Variants in RAB28 observed in about 807,000 individuals in gnomAD.
The protein encoded by RAB28 is RAB28, member RAS oncogene family.
RAB28 carries 24 observed loss-of-function variants against 31.7 expected under a neutral mutation model. That is an observed-to-expected ratio of 0.76 (90% CI 0.55 to 1.06). RAB28 has a LOEUF of 1.06. RAB28 is among the 50% of genes least tolerant of loss of function. RAB28 has a pLI of 0.00. For synonymous variants in RAB28, 100 were observed against 90.4 expected, an observed-to-expected ratio of 1.11 and a Z score of -0.60; for missense variants, 254 against 258.5, an observed-to-expected ratio of 0.98 and a Z score of 0.12.
chr4:13,462,991 T>C (rs1205852267), intron 3 of RAB28, among the ~76,000 whole-genome samples: 12 of 152,172 alleles, frequency 7.9e-5, no homozygotes, highest in Admixed American at 6.5e-4. Context: ...ACCCCATCTA[T>C]TGATCTTGGG....
At chr4:13,417,311 G>A (rs1253233207) in intron 4 of RAB28, among the ~76,000 whole-genome samples, 5 of 152,218 alleles carry the variant, frequency 3.3e-5, no homozygotes, top group African/African-American at 4.8e-5. Flanking sequence ...TCTGGGAACA[G>A]GGCATAGCTG....
chr4:13,406,026 A>G (rs1252609276), intron 4 of RAB28, among the ~76,000 whole-genome samples: 1 of 152,190 alleles, frequency 6.6e-6, no homozygotes, highest in Admixed American at 6.5e-5. Flanking sequence ...TATACTTTTA[A>G]GTTTTGGGAC....
At chr4:13,456,004 C>G (rs1056095544) in intron 4 of RAB28, among the ~76,000 whole-genome samples, 8 of 152,152 alleles carry the variant, frequency 5.3e-5, no homozygotes, top group Non-Finnish European at 1.2e-4. Context: ...CCAGACACAG[C>G]AAAACAAAGA....
At chr4:13,374,479 C>T (rs1356899470) in intron 6 of RAB28, among the ~76,000 whole-genome samples, 5 of 152,138 alleles carry the variant, frequency 3.3e-5, no homozygotes, top group African/African-American at 1.2e-4. Flanking sequence ...CTGATCACCA[C>T]TGCACAGCTC....
chr4:13,420,539 C>A (rs1346911670), intron 4 of RAB28, among the ~76,000 whole-genome samples: 1 of 152,124 alleles, frequency 6.6e-6, no homozygotes, highest in Admixed American at 6.5e-5. Flanking sequence ...TCCAGCAGCA[C>A]ATCAAAAAGC....
intron 4 of RAB28, among the ~76,000 whole-genome samples, chr4:13,392,703 A>G (rs1056431225): frequency 3.3e-5 from 5 of 152,220 alleles, no homozygotes; most frequent in Non-Finnish European, 7.3e-5. Flanking sequence ...CCACAAAAAA[A>G]GATAAGTGTT....
At chr4:13,405,437 G>C (rs1056355023) in intron 4 of RAB28, among the ~76,000 whole-genome samples, 7 of 152,086 alleles carry the variant, frequency 4.6e-5, no homozygotes, top group African/African-American at 1.4e-4. Flanking sequence ...TAATATACTT[G>C]AAAACTACAG....
At chr4:13,436,717 A>G (rs1011579182) in intron 4 of RAB28, among the ~76,000 whole-genome samples, 2 of 152,202 alleles carry the variant, frequency 1.3e-5, no homozygotes, top group Non-Finnish European at 2.9e-5. Flanking sequence ...ACACAAATAA[A>G]TGGAAAAACA....
chr4:13,393,788 C>G (rs762066052), intron 4 of RAB28, among the ~76,000 whole-genome samples: 4 of 143,426 alleles, frequency 2.8e-5, no homozygotes, highest in Non-Finnish European at 6.0e-5. Flanking sequence ...AAAGTTACTA[C>G]AGTTCTGCAC....
chr4:13,370,450 T>A, intron 6 of RAB28: 1 of 780,212 alleles, frequency 1.3e-6, no homozygotes, highest in African/African-American at 1.9e-5. Context: ...TTACACAGAA[T>A]CTATTCACAA....
chr4:13,386,600 G>A lies in RAB28; in HGVS notation c.392-5006C>T, dbSNP rs565147125. On this transcript the variant is annotated intron_variant, in intron 4 of 6. Transcript: ENST00000330852. ...GAATGGAAAAACCCAAAAAATAACA[G>A]GTGCTGGCAAGATTGCAGACAAAAG... Among the ~76,000 whole-genome samples, 6 of 152,016 alleles carry A rather than the reference G, an allele frequency of 3.9e-5. No individual in the cohort carries two copies. In the South Asian group the frequency reaches 8.3e-4, roughly 21 times the overall value.
intron 2 of RAB28, among the ~76,000 whole-genome samples, chr4:13,475,370 C>T (rs1716306532): frequency 6.6e-6 from 1 of 151,420 alleles, no homozygotes; most frequent in Admixed American, 6.6e-5. Context: ...TCAATTAGCA[C>T]TTTTTGAATG....
intron 4 of RAB28, among the ~76,000 whole-genome samples, chr4:13,384,920 G>A (rs777753056): frequency 3.9e-5 from 6 of 152,162 alleles, no homozygotes; most frequent in Non-Finnish European, 8.8e-5. Context: ...GAAGGTCACT[G>A]AGATGCAGGA....
chr4:13,383,011 C>T (rs1387561276), intron 4 of RAB28, among the ~76,000 whole-genome samples: 1 of 150,782 alleles, frequency 6.6e-6, no homozygotes, highest in Non-Finnish European at 1.5e-5. Flanking sequence ...TTTTGTTTTG[C>T]TTTGTTTTGT....
intron 4 of RAB28, among the ~76,000 whole-genome samples, chr4:13,455,880 G>A (rs1441091955): frequency 6.6e-6 from 1 of 152,250 alleles, no homozygotes; most frequent in Non-Finnish European, 1.5e-5. Flanking sequence ...GAGGCTGGGT[G>A]TCTCCACACC....
chr4:13,481,773 T>C (rs10027458), intron 1 of RAB28, among the ~76,000 whole-genome samples: 11,152 of 152,100 alleles, frequency 0.073, 990 homozygotes, highest in African/African-American at 0.22. Flanking sequence ...CTCAATACTC[T>C]ATTGCATCTG....
rs546743398 is a variant in RAB28, at chr4:13,436,810, G to A, written c.391+23889C>T. Among the ~76,000 whole-genome samples the A allele has an allele frequency of 1.6e-4, 25 of 151,978 alleles. 1 individual carries two copies. The highest frequency in any genetic ancestry group is 7.2e-4 in the Admixed American group (11 of 15,244). ...ACCCAAAGCAATCTACCAGTTCAAA[G>A]CAATTCCTATCAAATTACCAATGCC... On this transcript the variant is annotated intron_variant, in intron 4 of 6. Coordinates refer to ENST00000330852, the MANE Select transcript of RAB28 (RefSeq NM_001017979.3).
intron 4 of RAB28, among the ~76,000 whole-genome samples, chr4:13,432,674 A>G (rs778090185): frequency 5.9e-5 from 9 of 152,196 alleles, no homozygotes; most frequent in Admixed American, 1.3e-4. Context: ...CAAGAATGTC[A>G]TATCTCGGAA....
intron 1 of RAB28, among the ~76,000 whole-genome samples, chr4:13,483,536 C>T (rs750608730): frequency 6.6e-6 from 1 of 152,200 alleles, no homozygotes; most frequent in Non-Finnish European, 1.5e-5. Context: ...ACATTTCTCC[C>T]TTTGCGGCGG....
Sources: gnomAD v4.1 joint callset for allele counts (sites outside exome capture counted in the v4.1 genomes callset) on GRCh38, gnomAD v4.1.1 for gene constraint, MANE v1.5 for transcripts, NCBI Gene and HGNC (gene_info 2026-07-23, HGNC 2026-07-21) for gene names.